KDM7A: variants seen among roughly 807,000 people sequenced by gnomAD.
KDM7A encodes the protein lysine-specific demethylase 7A.
A neutral mutation model predicts 114.8 loss-of-function variants in KDM7A; 28 were observed. That is an observed-to-expected ratio of 0.24 (90% CI 0.18 to 0.33). The LOEUF (loss-of-function observed/expected upper bound fraction) is 0.33, where lower values mean the gene tolerates loss of function less well. KDM7A is among the 10% of genes least tolerant of loss of function. KDM7A has a pLI of 1.00. For synonymous variants in KDM7A, 423 were observed against 397.8 expected (o/e 1.06, Z -0.75); for missense variants, 942 against 1,142.5 (o/e 0.82, Z 2.53).
At position 140,098,915 on chromosome 7, in the gene KDM7A, C is replaced by T. The variant is rs770463504; in HGVS notation, c.1882G>A (p.Gly628Arg). 4.3e-6 allele frequency: 7 copies of T among 1,612,652 alleles called. No individual in the cohort carries two copies. The highest frequency in any genetic ancestry group is 5.9e-6 in the Non-Finnish European group (7 of 1,179,500). ...TTTTGAGATTCTTCATGTTCCACTC[C>T]CTCTACTCCTGAACTCTCTTCTATC... ...MKIEESSGVEGVEHEESQKPL... is the reference protein window; with the variant it reads ...MKIEESSGVERVEHEESQKPL... The change falls in exon 14 of 20, where the codon GGA (glycine) becomes AGA (arginine). Residue 628 changes from glycine to arginine, a missense_variant. Transcript: ENST00000397560.
rs1364015873 is a variant in KDM7A at position 140,097,041 on chromosome 7, T to C, written c.2023A>G (p.Ile675Val). The C allele has an allele frequency of 6.2e-7, 1 of 1,609,812 alleles. No homozygotes were observed. Among genetic ancestry groups the C allele is most frequent in the Non-Finnish European group, 8.5e-7 (1 of 1,177,534 alleles). Residue 675 changes from isoleucine to valine, a missense_variant, in exon 16 of 20, where the codon ATC becomes GTC. Ile to Val is a conservative substitution (Grantham distance 29). Transcript: ENST00000397560. ...CTTTCAGACTCTTCAGTGGTAAAGA[T>C]ACTTTTCTGAGATGATAATTACATG... is the stretch of plus-strand genomic sequence containing the variant. ...SGPECTALKSIFTTEESESSG... is the reference protein window; with the variant it reads ...SGPECTALKSVFTTEESESSG...
In KDM7A at chr7:140,089,083, A is replaced by C. The variant is rs1176012512; in HGVS notation, c.*2011T>G. 6.6e-6 allele frequency: 1 copy of C among 152,140 alleles called. No individual in the cohort carries two copies. Among genetic ancestry groups the C allele is most frequent in the Non-Finnish European group, 1.5e-5 (1 of 68,030 alleles). The allele number at this position is 152,140 out of a possible 1,614,324, so 9.4% of individuals were successfully genotyped here. A position where few individuals can be genotyped will look rare whatever the true frequency, so the allele number is the denominator to read the frequency against. ...GACTCAGGATCTACAGAAAAGCAAA[A>C]ATCACAAGAATATACTGTGTGGGAA... On this transcript the variant is annotated 3_prime_UTR_variant, in exon 20 of 20. Transcript: ENST00000397560.
At chr7:140,141,765 A>G (rs979220909) in intron 1 of KDM7A, among the ~76,000 whole-genome samples, 2 of 151,492 alleles carry the variant, frequency 1.3e-5, no homozygotes, top group African/African-American at 2.4e-5. Flanking sequence ...ATGTTGGCGC[A>G]TATCTGTAAT....
At chr7:140,124,832 G>T (rs777175090) in intron 6 of KDM7A, 49 bp from the exon 7 acceptor site, 1 of 1,167,518 alleles carries the variant, frequency 8.6e-7, no homozygotes, top group South Asian at 1.4e-5. Flanking sequence ...GCCATACTTA[G>T]GATAGCCTAC....
At chr7:140,133,960 A>G (rs577222021) in intron 2 of KDM7A, among the ~76,000 whole-genome samples, 3 of 152,326 alleles carry the variant, frequency 2.0e-5, no homozygotes, top group East Asian at 3.9e-4. Flanking sequence ...TACAATTTCC[A>G]AATTATATAC....
intron 11 of KDM7A, among the ~76,000 whole-genome samples, chr7:140,105,235 C>A (rs934481809): frequency 1.3e-5 from 2 of 152,166 alleles, no homozygotes; most frequent in Non-Finnish European, 2.9e-5. Flanking sequence ...CATCTGCAAA[C>A]AGGGACAATT....
chr7:140,111,678 G>C (rs1053078376), intron 10 of KDM7A, among the ~76,000 whole-genome samples: 4 of 152,184 alleles, frequency 2.6e-5, no homozygotes, highest in Non-Finnish European at 5.9e-5. Flanking sequence ...AAAGGGGAAG[G>C]CCGGGCGCAG....
At chr7:140,166,561 C>A (rs958244928) in intron 1 of KDM7A, among the ~76,000 whole-genome samples, 1 of 152,038 alleles carries the variant, frequency 6.6e-6, no homozygotes, top group African/African-American at 2.4e-5. Flanking sequence ...TAGTCTCAAA[C>A]TCCTGGACTC....
rs1179354009 is a variant in KDM7A, at chr7:140,087,384, A to G, written c.*3710T>C. 6.6e-6 allele frequency: 1 copy of G among 152,252 alleles called. No homozygotes were observed. Among genetic ancestry groups the G allele is most frequent in the Non-Finnish European group, 1.5e-5 (1 of 68,050 alleles). The allele number at this position is 152,252 out of a possible 1,614,324, so 9.4% of individuals were successfully genotyped here. ...ACAACTTCATTTTTCTTCCACTTCAAGCACGAAATCTGATTTTAATCCAGC... is the reference window on the plus strand; with the variant it reads ...ACAACTTCATTTTTCTTCCACTTCAGGCACGAAATCTGATTTTAATCCAGC... On this transcript the variant is annotated 3_prime_UTR_variant, in exon 20 of 20. Transcript: ENST00000397560.
intron 5 of KDM7A, 47 bp from the exon 6 acceptor site, chr7:140,126,870 A>C: frequency 1.4e-6 from 2 of 1,398,962 alleles, no homozygotes; most frequent in Non-Finnish European, 2.0e-6. Flanking sequence ...TGCAAATTAA[A>C]AATTCTTAAG....
chr7:140,128,173 C>A (rs146256728), intron 4 of KDM7A, among the ~76,000 whole-genome samples: 1 of 152,008 alleles, frequency 6.6e-6, no homozygotes, highest in Non-Finnish European at 1.5e-5. Context: ...TACCAGTGTC[C>A]GAAGGCCTGA....
chr7:140,132,578 G>A (rs565332928), intron 3 of KDM7A, among the ~76,000 whole-genome samples: 3 of 152,140 alleles, frequency 2.0e-5, no homozygotes, highest in South Asian at 2.1e-4. Context: ...AAGAAAACAC[G>A]CAAACATTTA....
In KDM7A at chr7:140,086,726, T is replaced by C. The variant is rs1817930017; in HGVS notation, c.*4368A>G. On this transcript the variant is annotated 3_prime_UTR_variant, in exon 20 of 20. Transcript: ENST00000397560. ...AGTATCAGAGGCCCCAGATCCACTG[T>C]GTCTCCCCACGCAAATCACTGTCCA... The C allele has an allele frequency of 6.6e-6, 1 of 152,140 alleles. No individual in the cohort carries two copies. The highest frequency in any genetic ancestry group is 2.1e-4 in the South Asian group (1 of 4,830). The allele number at this position is 152,140 out of a possible 1,614,324, so 9.4% of individuals were successfully genotyped here.
chr7:140,086,336 G>C lies in KDM7A; in HGVS notation c.*4758C>G, dbSNP rs970622414. On this transcript the variant is annotated 3_prime_UTR_variant, in exon 20 of 20. Coordinates refer to ENST00000397560, the MANE Select transcript of KDM7A (RefSeq NM_030647.2). ...AAGACACTAGAAGGGGCACCAGGGG[G>C]AAGGGGAGAACCTAAGGATATTGCA... The C allele has an allele frequency of 6.6e-6, 1 of 152,154 alleles. No homozygotes were observed. Among genetic ancestry groups the C allele is most frequent in the East Asian group, 1.9e-4 (1 of 5,198 alleles). The allele number at this position is 152,154 out of a possible 1,614,324, so 9.4% of individuals were successfully genotyped here. A position where few individuals can be genotyped will look rare whatever the true frequency, so the allele number is the denominator to read the frequency against.
Position 140,092,082 on chromosome 7 carries a change from A to G in KDM7A, c.2458-5T>C. 6.2e-7 allele frequency: 1 copy of G among 1,613,660 alleles called. No homozygotes were observed. On this transcript the variant is annotated splice_polypyrimidine_tract_variant and splice_region_variant and intron_variant, in intron 18 of 19. Transcript: ENST00000397560. Reference sequence around the variant, plus strand: ...TTTCTGGCTTCTACTTAGATCCTGAAGGAGGAGGAAGGACATGAGGCTGAA... The same window carrying G: ...TTTCTGGCTTCTACTTAGATCCTGAGGGAGGAGGAAGGACATGAGGCTGAA...
At chr7:140,169,602 T>G (rs1417564472) in intron 1 of KDM7A, among the ~76,000 whole-genome samples, 2 of 152,140 alleles carry the variant, frequency 1.3e-5, no homozygotes, top group Non-Finnish European at 2.9e-5. Context: ...CTCGGCTCAC[T>G]GCAACCTCCG....
At chr7:140,149,963 C>T (rs769417195) in intron 1 of KDM7A, among the ~76,000 whole-genome samples, 3 of 152,106 alleles carry the variant, frequency 2.0e-5, no homozygotes, top group Non-Finnish European at 2.9e-5. Flanking sequence ...ATTTATATGC[C>T]TCTCTTAAAT....
At chr7:140,152,650 A>G (rs1353579730) in intron 1 of KDM7A, among the ~76,000 whole-genome samples, 1 of 152,056 alleles carries the variant, frequency 6.6e-6, no homozygotes, top group Non-Finnish European at 1.5e-5. Context: ...AATCCAACAC[A>G]ATTACAAATC....
chr7:140,155,755 G>A (rs976614409), intron 1 of KDM7A, among the ~76,000 whole-genome samples: 3 of 152,156 alleles, frequency 2.0e-5, no homozygotes, highest in Non-Finnish European at 4.4e-5. Context: ...CAGCCCACAT[G>A]GCACAGAAGA....
Sources: gnomAD v4.1 joint callset for allele counts (sites outside exome capture counted in the v4.1 genomes callset) on GRCh38, gnomAD v4.1.1 for gene constraint, MANE v1.5 for transcripts, NCBI Gene and HGNC (gene_info 2026-07-23, HGNC 2026-07-21) for gene names.